The following ITGA6 variants were observed in gnomAD, a reference collection of about 807,000 sequenced individuals.
ITGA6 encodes integrin alpha-6.
A neutral mutation model predicts 133.6 loss-of-function variants in ITGA6; 63 were observed. That is an observed-to-expected ratio of 0.47 (90% CI 0.38 to 0.58). The LOEUF (loss-of-function observed/expected upper bound fraction) is 0.58, where lower values mean the gene tolerates loss of function less well. Ranked by LOEUF, ITGA6 falls within the 20% of genes least tolerant of loss-of-function variation. The pLI is 0.00. For missense variants in ITGA6, 1,068 were observed against 1,309.4 expected (o/e 0.82, Z 2.85); for synonymous variants, 434 against 482.0 (o/e 0.90, Z 1.30).
At chr2:172,462,616 G>A (rs559297914) in intron 1 of ITGA6, among the ~76,000 whole-genome samples, 1 of 152,320 alleles carries the variant, frequency 6.6e-6, no homozygotes, top group East Asian at 1.9e-4. Flanking sequence ...ACAAATTCGA[G>A]TTAAATGCCT....
At chr2:172,459,275 A>G (rs1238788333) in intron 1 of ITGA6, among the ~76,000 whole-genome samples, 2 of 152,130 alleles carry the variant, frequency 1.3e-5, no homozygotes, top group Non-Finnish European at 2.9e-5. Context: ...GCCTCAAGGT[A>G]GGCGGATCCC....
In ITGA6 at chr2:172,491,369, T is replaced by C. The variant is rs762622600; in HGVS notation, c.2889+38T>C. 3 of 1,569,080 alleles carry C rather than the reference T, an allele frequency of 1.9e-6. No homozygotes were observed. The East Asian group carries it at 6.7e-5, about 35-fold the overall frequency. The stretch of plus-strand genomic sequence containing the variant: ...CTTGAGGCTGTCCCATGGAAGTAAT[T>C]TGCCTTTGCCTAGGACACTTTTCAC... On this transcript the variant is annotated intron_variant, in intron 22 of 25. Coordinates refer to ENST00000684293, the MANE Select transcript of ITGA6 (RefSeq NM_000210.4). The surrounding 1 kb of genome is among the most constrained non-coding windows in gnomAD (Gnocchi z 4.4).
chr2:172,442,875 A>AT (rs922966424), intron 1 of ITGA6, among the ~76,000 whole-genome samples: 42 of 146,654 alleles, frequency 2.9e-4, no homozygotes, highest in Middle Eastern at 3.6e-3. Flanking sequence ...GTGGGCGCTG[A>AT]TTTTTTTTTT....
intron 1 of ITGA6, among the ~76,000 whole-genome samples, chr2:172,453,076 G>C (rs1375733813): frequency 6.6e-6 from 1 of 152,190 alleles, no homozygotes; most frequent in Non-Finnish European, 1.5e-5. Context: ...GGAAATGTTT[G>C]CTGAATGAAA....
intron 23 of ITGA6, among the ~76,000 whole-genome samples, chr2:172,494,137 G>A (rs1687033740): frequency 6.6e-6 from 1 of 152,174 alleles, no homozygotes; most frequent in African/African-American, 2.4e-5. Flanking sequence ...TTGAGCTGTA[G>A]TTTTTCTGGG....
chr2:172,460,068 G>A (rs1685369282), intron 1 of ITGA6, among the ~76,000 whole-genome samples: 1 of 152,248 alleles, frequency 6.6e-6, no homozygotes, highest in South Asian at 2.1e-4. Context: ...TGTAAGAATA[G>A]CAAGTCTGTT....
intron 13 of ITGA6, among the ~76,000 whole-genome samples, chr2:172,485,659 T>C (rs1308628454): frequency 6.6e-6 from 1 of 152,148 alleles, no homozygotes; most frequent in East Asian, 1.9e-4. Flanking sequence ...AATCAAGGAA[T>C]ATCAAAATTC....
intron 11 of ITGA6, among the ~76,000 whole-genome samples, chr2:172,483,913 C>T (rs1163341809): frequency 2.6e-5 from 4 of 152,180 alleles, no homozygotes; most frequent in East Asian, 1.9e-4. Flanking sequence ...TGGGTTCAAG[C>T]GATTCTCCTG....
At chr2:172,434,795 A>G (rs1031615014) in intron 1 of ITGA6, among the ~76,000 whole-genome samples, 1 of 152,096 alleles carries the variant, frequency 6.6e-6, no homozygotes, top group African/African-American at 2.4e-5. Context: ...GCCATTTCAG[A>G]TATAGTATAA....
chr2:172,457,849 G>C (rs772797508), intron 1 of ITGA6, among the ~76,000 whole-genome samples: 4 of 152,172 alleles, frequency 2.6e-5, no homozygotes, highest in Non-Finnish European at 4.4e-5. Flanking sequence ...ATATGGTTTT[G>C]CTTCCTGGCT....
At chr2:172,482,212 G>A (rs1329977683) in intron 11 of ITGA6, among the ~76,000 whole-genome samples, 1 of 152,212 alleles carries the variant, frequency 6.6e-6, no homozygotes, top group Non-Finnish European at 1.5e-5. Flanking sequence ...TTAACCAAGT[G>A]TTTATGGATG....
rs950232779 is a variant in ITGA6, at chr2:172,504,409, G to A, written c.*341G>A. The A allele has an allele frequency of 2.7e-5, 14 of 516,252 alleles. No individual in the cohort carries two copies. Among genetic ancestry groups the A allele is most frequent in the Non-Finnish European group, 4.4e-5 (13 of 295,624 alleles). 32.0% of individuals were successfully genotyped at this position (516,252 alleles called of 1,614,324 possible). ...CAGTTTTAACTGTGGATATTGTTAC[G>A]TAGCCTAAGGCTCCTGTTTTGCACA... is the stretch of plus-strand genomic sequence containing the variant. On this transcript the variant is annotated 3_prime_UTR_variant, in exon 26 of 26. Transcript: ENST00000684293.
chr2:172,498,738 C>A (rs1456327865), intron 24 of ITGA6, among the ~76,000 whole-genome samples: 2 of 152,180 alleles, frequency 1.3e-5, no homozygotes, highest in Admixed American at 6.5e-5. Flanking sequence ...GAGATGGATA[C>A]AAACTCTTAT....
At chr2:172,489,710 A>C (rs1487363625) in intron 20 of ITGA6, 52 bp downstream of exon 20, 1 of 1,475,924 alleles carries the variant, frequency 6.8e-7, no homozygotes, top group East Asian at 2.3e-5. Context: ...TAGAGAAACT[A>C]ACTTGTTAGG....
chr2:172,475,858 T>C (rs193011197), intron 8 of ITGA6, among the ~76,000 whole-genome samples, 173 bp downstream of exon 8: 1 of 152,346 alleles, frequency 6.6e-6, no homozygotes, highest in Admixed American at 6.5e-5. Flanking sequence ...AATATATAAA[T>C]GTAATGACTT....
At chr2:172,429,805 G>C (rs553523347) in intron 1 of ITGA6, among the ~76,000 whole-genome samples, 1 of 152,306 alleles carries the variant, frequency 6.6e-6, no homozygotes, top group African/African-American at 2.4e-5. Flanking sequence ...CAAAGGCAGT[G>C]ACCACACTTT....
intron 1 of ITGA6, among the ~76,000 whole-genome samples, chr2:172,451,202 G>GC: frequency 6.6e-6 from 1 of 150,866 alleles, no homozygotes; most frequent in East Asian, 2.0e-4. Context: ...GCCGGGCACG[G>GC]TGGTGTAATC....
rs149301423 is a variant in ITGA6 at position 172,474,901 on chromosome 2, C to T, written c.987-28C>T. Reference sequence around the variant, plus strand: ...TGCTGGTATGTTAGCTGTTGGTTCACGGCTCTTTCCCCTCATTATGTTTTT... The same window carrying T: ...TGCTGGTATGTTAGCTGTTGGTTCATGGCTCTTTCCCCTCATTATGTTTTT... On this transcript the variant is annotated intron_variant, in intron 6 of 25. Transcript: ENST00000684293. 31 of 1,178,780 alleles carry T rather than the reference C, an allele frequency of 2.6e-5. No individual in the cohort carries two copies. The Admixed American group carries it at 3.9e-4, about 15-fold the overall frequency. 73.0% of individuals were successfully genotyped at this position (1,178,780 alleles called of 1,614,324 possible). A position where few individuals can be genotyped will look rare whatever the true frequency, so the allele number is the denominator to read the frequency against.
Position 172,440,842 on chromosome 2 carries a change from C to G in ITGA6, c.182+12872C>G, listed in dbSNP as rs1383042667. ...TTGTCATTTATATGTTGTTAGTACT[C>G]CTTAACTCTTGGTAGCTTTAAGATG... On this transcript the variant is annotated intron_variant, in intron 1 of 25. Transcript: ENST00000684293. 2.0e-5 allele frequency among the ~76,000 whole-genome samples: 3 copies of G among 152,248 alleles called. No homozygotes were observed. The East Asian group carries it at 5.8e-4, about 29-fold the overall frequency.
Sources: allele counts gnomAD v4.1 joint callset (sites outside exome capture counted in the v4.1 genomes callset), GRCh38; gene constraint gnomAD v4.1.1; non-coding constraint Gnocchi (gnomAD v3.1); transcripts MANE v1.5; gene names NCBI Gene and HGNC (gene_info 2026-07-23, HGNC 2026-07-21).